CC2D1A: variants seen among roughly 807,000 people sequenced by gnomAD.
CC2D1A encodes coiled-coil and C2 domain-containing protein 1A.
CC2D1A carries 68 observed loss-of-function variants against 123.8 expected under a neutral mutation model. That is an observed-to-expected ratio of 0.55 (90% CI 0.45 to 0.67). The LOEUF (loss-of-function observed/expected upper bound fraction) is 0.67, where lower values mean the gene tolerates loss of function less well. CC2D1A is among the 30% of genes least tolerant of loss of function. The pLI is 0.00. For synonymous variants in CC2D1A, 477 were observed against 528.0 expected, an observed-to-expected ratio of 0.90 and a Z score of 1.32; for missense variants, 1,185 against 1,290.3, an observed-to-expected ratio of 0.92 and a Z score of 1.25.
intron 17 of CC2D1A, among the ~76,000 whole-genome samples, chr19:13,924,815 C>T (rs916758912): frequency 3.9e-5 from 6 of 152,106 alleles, no homozygotes; most frequent in African/African-American, 1.4e-4. Context: ...CCGGTGGTTC[C>T]CAGCTGCCCT....
At chr19:13,915,309 G>A (rs929408220) in intron 6 of CC2D1A, among the ~76,000 whole-genome samples, 1 of 152,204 alleles carries the variant, frequency 6.6e-6, no homozygotes, top group Non-Finnish European at 1.5e-5. Flanking sequence ...GCGATGGCGT[G>A]ATCTCGGCTC....
intron 17 of CC2D1A, among the ~76,000 whole-genome samples, chr19:13,924,203 C>T (rs1338341632): frequency 6.6e-6 from 1 of 152,046 alleles, no homozygotes; most frequent in Non-Finnish European, 1.5e-5. Context: ...CAGAGTCTCA[C>T]TCTGTTGCCC....
In CC2D1A at chr19:13,923,368, C is replaced by T. The variant is rs753640405; in HGVS notation, c.1677C>T (p.Ala559=). The change falls in exon 15 of 29, where the codon GCC becomes GCT. Residue 559 remains alanine, a synonymous_variant. Transcript: ENST00000318003. This position sits in a 1 kb window ranked among gnomAD's most constrained non-coding sequence, Gnocchi z 5.3. The stretch of plus-strand genomic sequence containing the variant: ...CCCCTGTCAACAAGGACGACTTTGC[C>T]CTGGTCCAGCGGCCTGGCCCGGGTC... The part of the protein sequence containing the change: ...PPAPVNKDDF[A]LVQRPGPGLS... 3 of 1,611,530 alleles carry T rather than the reference C, an allele frequency of 1.9e-6. No individual in the cohort carries two copies. The East Asian group carries it at 6.7e-5, about 36-fold the overall frequency.
intron 22 of CC2D1A, 186 bp downstream of exon 22, chr19:13,927,451 T>G: frequency 1.7e-6 from 1 of 597,722 alleles, no homozygotes; most frequent in Non-Finnish European, 3.0e-6. Context: ...TATGATCAAC[T>G]GGTATCTCAG....
chr19:13,929,579 G>A lies in CC2D1A; in HGVS notation c.2629G>A (p.Ala877Thr), dbSNP rs1219296548. Residue 877 changes from alanine (A) to threonine (T), a missense_variant, in exon 26 of 29, where the codon GCC becomes ACC. Transcript: ENST00000318003. ...GCGGCGGCCGGTGCCCCCAGAAGTG[G>A]CCCAGCAGTACCAGGACATCATGCA... Reference protein sequence around the residue: ...QARRPVPPEVAQQYQDIMQRS... With the variant: ...QARRPVPPEVTQQYQDIMQRS... 1.6e-5 allele frequency: 26 copies of A among 1,608,376 alleles called. No homozygotes were observed. The highest frequency in any genetic ancestry group is 2.0e-5 in the Non-Finnish European group (23 of 1,178,746).
At chr19:13,919,257 GC>G in intron 11 of CC2D1A, 55 bp downstream of exon 11, 1 of 1,281,292 alleles carries the variant, frequency 7.8e-7, no homozygotes, top group Non-Finnish European at 1.1e-6. Context: ...CGTAGGCCCC[GC>G]CCCCAGAGGC....
Position 13,920,770 on chromosome 19 carries a change from C to G in CC2D1A, c.1489C>G (p.Leu497Val). Reference sequence around the variant, plus strand: ...CACAGCCCAGCAGCAGCTGGCCTTCCTAGAGGGCCGCAAGAAGCAGCTCCT... The same window carrying G: ...CACAGCCCAGCAGCAGCTGGCCTTCGTAGAGGGCCGCAAGAAGCAGCTCCT... ...STRAQQQLAF[L>V]EGRKKQLLQA... The change falls in exon 14 of 29, where the codon CTA becomes GTA. Residue 497 changes from leucine to valine, a missense_variant. By Grantham distance (32) the Leu-to-Val change is conservative. Transcript: ENST00000318003. 2 of 1,613,570 alleles carry G rather than the reference C, an allele frequency of 1.2e-6. No homozygotes were observed. Among genetic ancestry groups the G allele is most frequent in the Non-Finnish European group, 1.7e-6 (2 of 1,179,666 alleles).
rs1970723022 is a variant in CC2D1A, at chr19:13,906,280, G to C, written c.-162G>C. The C allele has an allele frequency of 1.9e-6, 1 of 513,818 alleles. No individual in the cohort carries two copies. The highest frequency in any genetic ancestry group is 3.2e-6 in the Non-Finnish European group (1 of 311,428). The allele number at this position is 513,818 out of a possible 1,614,324, so 31.8% of individuals were successfully genotyped here. A position where few individuals can be genotyped will look rare whatever the true frequency, so the allele number is the denominator to read the frequency against. The stretch of plus-strand genomic sequence containing the variant: ...GCGCCCGAGGCCCGAGGCGGAAGTG[G>C]GACGGCCAAGCAGGGAAGCGAGGGC... On this transcript the variant is annotated 5_prime_UTR_variant, in exon 1 of 29. Transcript: ENST00000318003. The surrounding 1 kb of genome is among the most constrained non-coding windows in gnomAD (Gnocchi z 4.1).
chr19:13,923,501 T>G lies in CC2D1A; in HGVS notation c.1764+46T>G, dbSNP rs764976278. ...CCATCCCCCAGGAGCGTGACCCTCCTTCCCCTCTCTTCCCTTCCCTCGACT... is the reference window on the plus strand; with the variant it reads ...CCATCCCCCAGGAGCGTGACCCTCCGTCCCCTCTCTTCCCTTCCCTCGACT... On this transcript the variant is annotated intron_variant, in intron 15 of 28. Coordinates refer to ENST00000318003, the MANE Select transcript of CC2D1A (RefSeq NM_017721.5). This position sits in a 1 kb window ranked among gnomAD's most constrained non-coding sequence, Gnocchi z 5.3. 9 of 1,607,568 alleles carry G rather than the reference T, an allele frequency of 5.6e-6. No homozygotes were observed. The East Asian group carries it at 2.0e-4, about 36-fold the overall frequency.
In CC2D1A at chr19:13,929,839, G is replaced by C. The variant is rs1480658743; in HGVS notation, c.2710+179G>C. Among the ~76,000 whole-genome samples, 12 of 27,228 alleles carry C rather than the reference G, an allele frequency of 4.4e-4. 1 individual carries two copies. Among genetic ancestry groups the C allele is most frequent in the African/African-American group, 2.1e-3 (12 of 5,632 alleles). 17.9% of individuals were successfully genotyped at this position (27,228 alleles called of 152,430 possible). On this transcript the variant is annotated intron_variant, in intron 26 of 28. Transcript: ENST00000318003. Reference sequence around the variant, plus strand: ...GGCTCGGGGATGGGCACCTGGAGGGGGAGGGGCTCGGGGATGGGCATCTGG... The same window carrying C: ...GGCTCGGGGATGGGCACCTGGAGGGCGAGGGGCTCGGGGATGGGCATCTGG...
In CC2D1A at chr19:13,930,517, C is replaced by T; in HGVS notation, c.*122C>T. The T allele has an allele frequency of 8.5e-7, 1 of 1,173,774 alleles. No individual in the cohort carries two copies. The highest frequency in any genetic ancestry group is 1.2e-6 in the Non-Finnish European group (1 of 857,536). 72.7% of individuals were successfully genotyped at this position (1,173,774 alleles called of 1,614,324 possible). On this transcript the variant is annotated 3_prime_UTR_variant, in exon 29 of 29. Transcript: ENST00000318003. This position sits in a 1 kb window ranked among gnomAD's most constrained non-coding sequence, Gnocchi z 6.8. ...CGGACAATCGGTTCTGGACTCACCCCTCATCCGGGCCCCCAGCCCCGCCAG... is the reference window on the plus strand; with the variant it reads ...CGGACAATCGGTTCTGGACTCACCCTTCATCCGGGCCCCCAGCCCCGCCAG...
Position 13,906,304 on chromosome 19 carries a change from G to T in CC2D1A, c.-138G>T. On this transcript the variant is annotated 5_prime_UTR_variant, in exon 1 of 29. Coordinates refer to ENST00000318003, the MANE Select transcript of CC2D1A (RefSeq NM_017721.5). This position sits in a 1 kb window ranked among gnomAD's most constrained non-coding sequence, Gnocchi z 4.1. ...GGGACGGCCAAGCAGGGAAGCGAGG[G>T]CTCGGGATCGACGGCCGCGGGGCGC... 1 of 607,502 alleles carries T rather than the reference G, an allele frequency of 1.6e-6. No individual in the cohort carries two copies. Among genetic ancestry groups the T allele is most frequent in the Non-Finnish European group, 2.6e-6 (1 of 391,522 alleles). The allele number at this position is 607,502 out of a possible 1,614,324, so 37.6% of individuals were successfully genotyped here. A position where few individuals can be genotyped will look rare whatever the true frequency, so the allele number is the denominator to read the frequency against.
At chr19:13,921,182 G>A (rs932461028) in intron 14 of CC2D1A, among the ~76,000 whole-genome samples, 3 of 152,244 alleles carry the variant, frequency 2.0e-5, no homozygotes, top group African/African-American at 4.8e-5. Context: ...CACCTGAGGG[G>A]GTTGTCCTTG....
At chr19:13,929,986 GGGGGACGGGCTT>G in intron 26 of CC2D1A, 80 bp from the exon 27 acceptor site, 1 of 1,347,372 alleles carries the variant, frequency 7.4e-7, no homozygotes, top group Non-Finnish European at 1.0e-6. Context: ...GGCACCTGGC[GGGGGACGGGCTT>G]GGGGATGGGC....
chr19:13,907,968 C>T (rs1970845410), intron 1 of CC2D1A, among the ~76,000 whole-genome samples: 1 of 152,158 alleles, frequency 6.6e-6, no homozygotes, highest in South Asian at 2.1e-4. Context: ...GAAGACGGGT[C>T]TGCATGGCAA....
At chr19:13,913,062 G>A in intron 4 of CC2D1A, 106 bp from the exon 5 acceptor site, 2 of 1,214,660 alleles carry the variant, frequency 1.6e-6, no homozygotes, top group East Asian at 5.2e-5. Context: ...TGGGGCAGGG[G>A]AGGCTGGTCC....
intron 14 of CC2D1A, among the ~76,000 whole-genome samples, chr19:13,921,811 G>A (rs1971422016): frequency 6.6e-6 from 1 of 152,150 alleles, no homozygotes; most frequent in African/African-American, 2.4e-5. Context: ...AGGCTGAGGT[G>A]GGAGGATTCC....
rs1971792065 is a variant in CC2D1A, at chr19:13,929,530, C to G, written c.2584-4C>G. 1.2e-6 allele frequency: 2 copies of G among 1,612,242 alleles called. No homozygotes were observed. Among genetic ancestry groups the G allele is most frequent in the Non-Finnish European group, 1.7e-6 (2 of 1,179,878 alleles). ...ATCCTCACAGGACCCTCTGTATCCT[C>G]TAGATCCTGGCCCTCAGGCAGGCGC... On this transcript the variant is annotated splice_polypyrimidine_tract_variant and splice_region_variant and intron_variant, in intron 25 of 28. Transcript: ENST00000318003.
rs375001092 is a variant in CC2D1A at position 13,913,495 on chromosome 19, C to T, written c.605C>T (p.Ala202Val). 3.2e-5 allele frequency: 52 copies of T among 1,614,184 alleles called. No individual in the cohort carries two copies. Among genetic ancestry groups the T allele is most frequent in the Middle Eastern group, 1.6e-4 (1 of 6,062 alleles). Residue 202 changes from alanine to valine, a missense_variant, in exon 6 of 29, where the codon GCG becomes GTG. Transcript: ENST00000318003. ...CCAGTGGCCATAGGAAAAGGCCCGG[C>T]GTCCACGCCTACCTACAGCCCTGCA... ...PPPVAIGKGP[A>V]STPTYSPAPT...
Sources: allele counts gnomAD v4.1 joint callset (sites outside exome capture counted in the v4.1 genomes callset), GRCh38; gene constraint gnomAD v4.1.1; non-coding constraint Gnocchi (gnomAD v3.1); transcripts MANE v1.5; gene names NCBI Gene and HGNC (gene_info 2026-07-23, HGNC 2026-07-21).